Variants in TRIP4 observed in about 807,000 individuals in gnomAD.
TRIP4 encodes the protein activating signal cointegrator 1.
A neutral mutation model predicts 81.8 loss-of-function variants in TRIP4; 54 were observed. That is an observed-to-expected ratio of 0.66 (90% CI 0.53 to 0.83). The LOEUF (loss-of-function observed/expected upper bound fraction) is 0.83. TRIP4 is among the 40% of genes least tolerant of loss of function. TRIP4 has a pLI of 0.00. For synonymous variants in TRIP4, 270 were observed against 242.8 expected (o/e 1.11, Z -1.04); for missense variants, 662 against 683.6 (o/e 0.97, Z 0.35).
At chr15:64,413,965 A>T in intron 7 of TRIP4, 120 bp from the exon 8 acceptor site, 1 of 1,110,584 alleles carries the variant, frequency 9.0e-7, no homozygotes, top group Non-Finnish European at 1.3e-6. Flanking sequence ...AGGGAAGGTC[A>T]TCCATAGACT....
At chr15:64,448,009 T>C (rs1203586658) in intron 12 of TRIP4, among the ~76,000 whole-genome samples, 2 of 152,166 alleles carry the variant, frequency 1.3e-5, no homozygotes, top group African/African-American at 4.8e-5. Flanking sequence ...CTGTTTAGGA[T>C]TTAGATCTCC....
intron 11 of TRIP4, chr15:64,444,529 C>T (rs1006236680): frequency 6.6e-5 from 10 of 152,236 alleles, no homozygotes; most frequent in African/African-American, 2.4e-4. Flanking sequence ...CAGAATGAAT[C>T]ATCTTCCTTC....
At chr15:64,414,603 G>A (rs139075368) in intron 8 of TRIP4, among the ~76,000 whole-genome samples, 2,414 of 129,346 alleles carry the variant, frequency 0.019, 62 homozygotes, top group African/African-American at 0.065. Flanking sequence ...TGCAACCTCC[G>A]CCTCCCAGGT....
chr15:64,437,839 C>T (rs1431110289), intron 11 of TRIP4, among the ~76,000 whole-genome samples: 1 of 152,104 alleles, frequency 6.6e-6, no homozygotes, highest in Admixed American at 6.6e-5. Flanking sequence ...GAAGGATGTA[C>T]TGGATGGGGC....
At chr15:64,393,427 G>A (rs1248877249) in intron 1 of TRIP4, 1 of 151,702 alleles carries the variant, frequency 6.6e-6, no homozygotes, top group African/African-American at 2.4e-5. Flanking sequence ...AAAGTGCTGG[G>A]ATTACAGGTG....
At chr15:64,396,636 C>G (rs1200645079) in intron 3 of TRIP4, among the ~76,000 whole-genome samples, 1 of 152,194 alleles carries the variant, frequency 6.6e-6, no homozygotes, top group Non-Finnish European at 1.5e-5. Flanking sequence ...GCTATACTTT[C>G]TCATTCTCAT....
At chr15:64,412,231 T>G (rs1891782145) in intron 7 of TRIP4, among the ~76,000 whole-genome samples, 1 of 152,176 alleles carries the variant, frequency 6.6e-6, no homozygotes, top group Non-Finnish European at 1.5e-5. Context: ...ATACTTATCA[T>G]TTTACTGTGT....
In TRIP4 at chr15:64,405,952, A is replaced by G. The variant is rs553590103; in HGVS notation, c.698-378A>G. 2.6e-5 allele frequency among the ~76,000 whole-genome samples: 4 copies of G among 152,346 alleles called. No individual in the cohort carries two copies. In the East Asian group the frequency reaches 7.7e-4, roughly 29 times the overall value. ...GACTGCAGTGAGCTATGATCACACTACTGCACTCCAGACTGGGCAACAGCA... is the reference window on the plus strand; with the variant it reads ...GACTGCAGTGAGCTATGATCACACTGCTGCACTCCAGACTGGGCAACAGCA... On this transcript the variant is annotated intron_variant, in intron 5 of 12. Coordinates refer to ENST00000261884, the MANE Select transcript of TRIP4 (RefSeq NM_016213.5).
chr15:64,429,797 A>ATC (rs1204636974), intron 11 of TRIP4, among the ~76,000 whole-genome samples: 1 of 152,206 alleles, frequency 6.6e-6, no homozygotes, highest in African/African-American at 2.4e-5. Flanking sequence ...TCCCTTCAGT[A>ATC]TCTCCATATT....
intron 11 of TRIP4, among the ~76,000 whole-genome samples, chr15:64,428,286 C>G (rs1022974174): frequency 1.3e-5 from 2 of 152,088 alleles, no homozygotes; most frequent in Non-Finnish European, 2.9e-5. Context: ...AACTATAATC[C>G]TGATCTATGG....
chr15:64,414,264 CTTCTT>C lies in TRIP4; in HGVS notation c.1170+56_1170+60del, dbSNP rs1414726180. On this transcript the variant is annotated intron_variant, in intron 8 of 12. Transcript: ENST00000261884. ...ATAAGAAGTTTGGCCCCAATTTTGC[CTTCTT>C]TTAAGTATGTCTATTTCATAGACTT... The C allele has an allele frequency of 1.2e-5, 19 of 1,606,312 alleles. No individual in the cohort carries two copies. The African/African-American group carries it at 2.4e-4, about 20-fold the overall frequency.
intron 11 of TRIP4, among the ~76,000 whole-genome samples, chr15:64,429,426 C>T (rs564471098): frequency 3.2e-4 from 48 of 152,266 alleles, no homozygotes; most frequent in Non-Finnish European, 2.1e-4. Flanking sequence ...AATAATGGCT[C>T]TTGACTAGCA....
At chr15:64,454,128 GTTTTC>G (rs1486827206) in intron 12 of TRIP4, among the ~76,000 whole-genome samples, 2 of 143,210 alleles carry the variant, frequency 1.4e-5, no homozygotes, top group Non-Finnish European at 1.5e-5. Flanking sequence ...TTTTTTTTTT[GTTTTC>G]TTTTTTTTTT....
intron 8 of TRIP4, among the ~76,000 whole-genome samples, chr15:64,414,919 C>G (rs1478212353): frequency 6.6e-6 from 1 of 151,876 alleles, no homozygotes. Flanking sequence ...CATGGCAAAA[C>G]CCCGTCTCTA....
intron 10 of TRIP4, 120 bp from the exon 11 acceptor site, chr15:64,425,420 T>C: frequency 1.1e-6 from 1 of 884,446 alleles, no homozygotes; most frequent in Non-Finnish European, 1.7e-6. Flanking sequence ...GTTTTCCTTA[T>C]GTCTACAAAT....
chr15:64,454,989 C>T lies in TRIP4; in HGVS notation c.1679-8C>T. 6.2e-7 allele frequency: 1 copy of T among 1,613,416 alleles called. No individual in the cohort carries two copies. Among genetic ancestry groups the T allele is most frequent in the Non-Finnish European group, 8.5e-7 (1 of 1,179,584 alleles). ...ATAAATAATGAGACTTATTTTTCTCCCTTACAGGGAAATTGGATTCCAAGA... is the reference window on the plus strand; with the variant it reads ...ATAAATAATGAGACTTATTTTTCTCTCTTACAGGGAAATTGGATTCCAAGA... On this transcript the variant is annotated splice_polypyrimidine_tract_variant and splice_region_variant and intron_variant, in intron 12 of 12. Coordinates refer to ENST00000261884, the MANE Select transcript of TRIP4 (RefSeq NM_016213.5).
At chr15:64,392,206 G>A (rs938079138) in intron 1 of TRIP4, among the ~76,000 whole-genome samples, 1 of 151,862 alleles carries the variant, frequency 6.6e-6, no homozygotes, top group Non-Finnish European at 1.5e-5. Context: ...GCTGAGGTAG[G>A]AGAATCGCTT....
At position 64,425,645 on chromosome 15, in the gene TRIP4, A is replaced by C. The variant is rs1163336916; in HGVS notation, c.1575+14A>C. On this transcript the variant is annotated intron_variant, in intron 11 of 12. Coordinates refer to ENST00000261884, the MANE Select transcript of TRIP4 (RefSeq NM_016213.5). ...TTTAAGGAGCAGGTGAGTAAAGAAT[A>C]CTTTTTTTTTTTAGAGACAGGGTTT... 3 of 1,588,698 alleles carry C rather than the reference A, an allele frequency of 1.9e-6. No homozygotes were observed. The highest frequency in any genetic ancestry group is 2.6e-6 in the Non-Finnish European group (3 of 1,166,636).
intron 9 of TRIP4, among the ~76,000 whole-genome samples, chr15:64,421,664 T>C (rs928801591): frequency 6.6e-6 from 1 of 152,304 alleles, no homozygotes; most frequent in Non-Finnish European, 1.5e-5. Context: ...TGTCTAGATG[T>C]ATTTACATAC....
Sources: allele counts gnomAD v4.1 joint callset (sites outside exome capture counted in the v4.1 genomes callset), GRCh38; gene constraint gnomAD v4.1.1; transcripts MANE v1.5; gene names NCBI Gene and HGNC (gene_info 2026-07-23, HGNC 2026-07-21).